The following GDPD4 variants were observed in gnomAD, a reference collection of about 807,000 sequenced individuals.
GDPD4 encodes the protein glycerophosphodiester phosphodiesterase domain containing 4.
GDPD4 carries 60 observed loss-of-function variants against 67.8 expected under a neutral mutation model. The observed-to-expected ratio is 0.88, with a 90% confidence interval of 0.72 to 1.10. The LOEUF is 1.10. Ranked by LOEUF, GDPD4 falls within the 50% of genes least tolerant of loss-of-function variation. GDPD4 has a pLI of 0.00. For synonymous variants in GDPD4, 212 were observed against 210.9 expected (o/e 1.00, Z -0.04); for missense variants, 623 against 613.9 (o/e 1.01, Z -0.16).
intron 3 of GDPD4, among the ~76,000 whole-genome samples, chr11:77,281,754 T>G (rs1959763272): frequency 6.6e-6 from 1 of 152,124 alleles, no homozygotes; most frequent in Non-Finnish European, 1.5e-5. Flanking sequence ...GCACAAACTT[T>G]TCCAGTTTGT....
chr11:77,278,829 C>T (rs1305982771), intron 4 of GDPD4, among the ~76,000 whole-genome samples: 1 of 152,206 alleles, frequency 6.6e-6, no homozygotes, highest in Non-Finnish European at 1.5e-5. Context: ...TTGCCAAAGG[C>T]TTTTGCTAAA....
intron 1 of GDPD4, 133 bp downstream of exon 1, chr11:77,301,472 A>C (rs920127628): frequency 6.6e-6 from 1 of 152,220 alleles, no homozygotes. Context: ...GAGAGGGGAC[A>C]CAAACGACCC....
chr11:77,232,069 A>C (rs994504218), intron 14 of GDPD4, among the ~76,000 whole-genome samples: 2 of 151,860 alleles, frequency 1.3e-5, no homozygotes, highest in African/African-American at 4.8e-5. Flanking sequence ...GATCTGGAGG[A>C]GGTGACTTGA....
chr11:77,257,918 C>T (rs762355003), intron 11 of GDPD4, among the ~76,000 whole-genome samples: 9 of 152,148 alleles, frequency 5.9e-5, no homozygotes, highest in Non-Finnish European at 1.2e-4. Flanking sequence ...TGTACAGTAA[C>T]TGTCTGTTTC....
At chr11:77,224,802 C>A (rs1335824239) in intron 16 of GDPD4, among the ~76,000 whole-genome samples, 1 of 152,024 alleles carries the variant, frequency 6.6e-6, no homozygotes, top group Non-Finnish European at 1.5e-5. Context: ...TAAAATACGG[C>A]AATAAAAAAC....
chr11:77,266,389 G>A (rs901262414), intron 10 of GDPD4, among the ~76,000 whole-genome samples: 18 of 152,212 alleles, frequency 1.2e-4, no homozygotes, highest in African/African-American at 4.3e-4. Context: ...AACCTGTACA[G>A]CCAATCATAT....
At chr11:77,271,470 T>C in intron 5 of GDPD4, 77 bp from the exon 6 acceptor site, 1 of 820,742 alleles carries the variant, frequency 1.2e-6, no homozygotes, top group South Asian at 1.5e-5. Flanking sequence ...ATTATATGTG[T>C]GTCTTCACAA....
chr11:77,258,618 C>A lies in GDPD4; in HGVS notation c.708-76G>T, dbSNP rs112315031. On this transcript the variant is annotated intron_variant, in intron 10 of 16. Coordinates refer to ENST00000315938, the MANE Select transcript of GDPD4 (RefSeq NM_182833.3). ...TACCTTGGTAGACAGGCTCCCCAGA[C>A]AGTCCTTCAAGGTCACAAGTGTCAC... 7.2e-4 allele frequency: 1,018 copies of A among 1,415,384 alleles called. 9 individuals carry two copies. In the African/African-American group the frequency reaches 0.012, roughly 17 times the overall value. 87.7% of individuals were successfully genotyped at this position (1,415,384 alleles called of 1,614,324 possible). A position where few individuals can be genotyped will look rare whatever the true frequency, so the allele number is the denominator to read the frequency against.
chr11:77,258,349 T>G, intron 11 of GDPD4, 37 bp downstream of exon 11: 1 of 1,602,792 alleles, frequency 6.2e-7, no homozygotes, highest in Non-Finnish European at 8.5e-7. Flanking sequence ...TTACAAAAAT[T>G]CAATGCAGGT....
At chr11:77,217,922 G>A (rs1231939762) in intron 16 of GDPD4, among the ~76,000 whole-genome samples, 2 of 152,146 alleles carry the variant, frequency 1.3e-5, no homozygotes, top group Non-Finnish European at 2.9e-5. Context: ...CCAAAATCTA[G>A]AAGAGTGTGA....
intron 3 of GDPD4, among the ~76,000 whole-genome samples, chr11:77,280,398 G>A (rs1591573280): frequency 1.3e-5 from 2 of 150,650 alleles, no homozygotes; most frequent in South Asian, 2.1e-4. Context: ...TTATTAAACA[G>A]AGATCTTGAA....
At chr11:77,300,702 T>G (rs1172551420) in intron 1 of GDPD4, among the ~76,000 whole-genome samples, 1 of 152,236 alleles carries the variant, frequency 6.6e-6, no homozygotes, top group Non-Finnish European at 1.5e-5. Context: ...TTAATAAACC[T>G]TGACATCTTA....
intron 16 of GDPD4, 112 bp downstream of exon 16, chr11:77,227,752 C>CCAA: frequency 2.7e-6 from 2 of 747,400 alleles, no homozygotes; most frequent in Non-Finnish European, 4.8e-6. Context: ...ACCCCACCCC[C>CCAA]AACTTTCCAG....
At chr11:77,268,850 G>A in intron 9 of GDPD4, 74 bp downstream of exon 9, 2 of 1,455,122 alleles carry the variant, frequency 1.4e-6, no homozygotes, top group Non-Finnish European at 1.9e-6. Flanking sequence ...GGCTTCCATG[G>A]TTCTCTTTTC....
At chr11:77,235,251 T>C (rs190768199) in intron 13 of GDPD4, among the ~76,000 whole-genome samples, 1 of 152,208 alleles carries the variant, frequency 6.6e-6, no homozygotes, top group East Asian at 1.9e-4. Flanking sequence ...AAATTCAATG[T>C]AGTAAAGATG....
intron 5 of GDPD4, among the ~76,000 whole-genome samples, chr11:77,272,691 G>A (rs888196625): frequency 9.9e-5 from 15 of 151,978 alleles, no homozygotes; most frequent in East Asian, 9.7e-4. Flanking sequence ...TGGGAGAATC[G>A]CTTGAACCCG....
intron 1 of GDPD4, among the ~76,000 whole-genome samples, chr11:77,294,389 C>T (rs1445824826): frequency 3.3e-5 from 5 of 152,102 alleles, no homozygotes; most frequent in Non-Finnish European, 4.4e-5. Flanking sequence ...TAGTAACAAA[C>T]ACATACTTAG....
At chr11:77,248,125 C>T (rs1239189543) in intron 11 of GDPD4, among the ~76,000 whole-genome samples, 2 of 149,494 alleles carry the variant, frequency 1.3e-5, no homozygotes, top group Non-Finnish European at 3.0e-5. Context: ...GATGCCACAT[C>T]AAGGAAACAT....
intron 5 of GDPD4, among the ~76,000 whole-genome samples, chr11:77,272,774 T>G (rs1319985170): frequency 6.8e-6 from 1 of 147,664 alleles, no homozygotes; most frequent in South Asian, 2.1e-4. Flanking sequence ...AGACTCTGCC[T>G]CAAAAAAAAA....
Sources: allele counts gnomAD v4.1 joint callset (sites outside exome capture counted in the v4.1 genomes callset), GRCh38; gene constraint gnomAD v4.1.1; transcripts MANE v1.5; gene names NCBI Gene and HGNC (gene_info 2026-07-23, HGNC 2026-07-21).